The following EPHA6 variants were observed in gnomAD, a reference collection of about 807,000 sequenced individuals.
EPHA6 encodes the protein EPH receptor A6.
A neutral mutation model predicts 112.0 loss-of-function variants in EPHA6; 50 were observed. The ratio of observed to expected loss-of-function variants is 0.45; its 90% CI spans 0.36 to 0.56. The LOEUF is 0.56. Ranked by LOEUF, EPHA6 falls within the 20% of genes least tolerant of loss-of-function variation. EPHA6 has a pLI of 0.00. For synonymous variants in EPHA6, 529 were observed against 490.7 expected (o/e 1.08, Z -1.03); for missense variants, 1,280 against 1,417.4 (o/e 0.90, Z 1.56).
rs1230860298 is a variant in EPHA6, at chr3:97,648,445, T to C, written c.2784+10363T>C. On this transcript the variant is annotated intron_variant, in intron 14 of 17. Transcript: ENST00000389672. ...GAGGGGAAGGTATTTAATGTGTATT[T>C]TAAAGTTGGGAGAGATTCTCCTTCA... 2.2e-6 allele frequency: 3 copies of C among 1,344,196 alleles called. No homozygotes were observed. The African/African-American group carries it at 4.5e-5, about 20-fold the overall frequency. The allele number at this position is 1,344,196 out of a possible 1,614,324, so 83.3% of individuals were successfully genotyped here. A position where few individuals can be genotyped will look rare whatever the true frequency, so the allele number is the denominator to read the frequency against.
chr3:97,547,723 C>T (rs553064238), intron 11 of EPHA6, among the ~76,000 whole-genome samples: 4 of 152,192 alleles, frequency 2.6e-5, no homozygotes, highest in Non-Finnish European at 5.9e-5. Flanking sequence ...GTTCGAGCTT[C>T]CCAGCTGCTT....
chr3:97,627,072 G>A (rs1380650806), intron 13 of EPHA6, among the ~76,000 whole-genome samples: 1 of 151,898 alleles, frequency 6.6e-6, no homozygotes, highest in African/African-American at 2.4e-5. Context: ...GCACTGTGAA[G>A]TAGTTATTAC....
rs371941945 is a variant in EPHA6 at position 97,484,066 on chromosome 3, G to A, written c.2200+7G>A. 5.3e-5 allele frequency: 85 copies of A among 1,594,800 alleles called. 1 individual carries two copies. The highest frequency in any genetic ancestry group is 5.8e-5 in the Non-Finnish European group (68 of 1,172,356). ...GAGAGAGTCATTGGGGCAGGTAAATGTCAAATCTACACTTTTGAACAAAAC... is the reference window on the plus strand; with the variant it reads ...GAGAGAGTCATTGGGGCAGGTAAATATCAAATCTACACTTTTGAACAAAAC... On this transcript the variant is annotated splice_region_variant and intron_variant, in intron 10 of 17. Coordinates refer to ENST00000389672, the MANE Select transcript of EPHA6 (RefSeq NM_001080448.3).
intron 13 of EPHA6, among the ~76,000 whole-genome samples, chr3:97,626,527 C>T (rs1047647075): frequency 1.3e-5 from 2 of 151,528 alleles, no homozygotes; most frequent in Non-Finnish European, 3.0e-5. Flanking sequence ...AGGTAACAGA[C>T]CGTGAGTCCA....
chr3:96,824,618 T>G (rs1403596874), intron 1 of EPHA6, among the ~76,000 whole-genome samples: 1 of 152,034 alleles, frequency 6.6e-6, no homozygotes, highest in Non-Finnish European at 1.5e-5. Context: ...CTGCCCCAAC[T>G]TGTGAGAGCT....
chr3:96,886,334 T>C (rs1458777289), intron 2 of EPHA6, among the ~76,000 whole-genome samples: 1 of 152,172 alleles, frequency 6.6e-6, no homozygotes, highest in African/African-American at 2.4e-5. Flanking sequence ...TATGAGTAAT[T>C]GTTTTATAAA....
intron 4 of EPHA6, among the ~76,000 whole-genome samples, chr3:97,236,072 G>A (rs1273511756): frequency 6.6e-6 from 1 of 151,512 alleles, no homozygotes; most frequent in East Asian, 1.9e-4. Flanking sequence ...TATATGCTCT[G>A]TACTTTAAAG....
chr3:97,268,298 G>T (rs2079761255), intron 5 of EPHA6, among the ~76,000 whole-genome samples: 1 of 152,142 alleles, frequency 6.6e-6, no homozygotes, highest in Non-Finnish European at 1.5e-5. Flanking sequence ...CTAACTGCAA[G>T]GCAGGCTGGA....
At chr3:96,978,030 C>A (rs1253253141) in intron 2 of EPHA6, among the ~76,000 whole-genome samples, 1 of 151,982 alleles carries the variant, frequency 6.6e-6, no homozygotes, top group East Asian at 1.9e-4. Context: ...CATGGTGGTG[C>A]ATGCCTGTAG....
rs2047515074 is a variant in EPHA6, at chr3:97,104,768, G to A, written c.1114+116775G>A. ...TAGAATCCAGCTGTGAATCTGTTTG[G>A]TCTTGGGCTTTTTTTGGTTGGTAGC... On this transcript the variant is annotated intron_variant, in intron 3 of 17. Coordinates refer to ENST00000389672, the MANE Select transcript of EPHA6 (RefSeq NM_001080448.3). Among the ~76,000 whole-genome samples the A allele has an allele frequency of 2.0e-5, 3 of 152,136 alleles. No homozygotes were observed. In the South Asian group the frequency reaches 6.2e-4, roughly 32 times the overall value.
At chr3:97,739,272 C>T (rs2035402572) in intron 16 of EPHA6, among the ~76,000 whole-genome samples, 1 of 152,000 alleles carries the variant, frequency 6.6e-6, no homozygotes, top group Admixed American at 6.6e-5. Context: ...CTGCACTTTC[C>T]TTTTGTGTAG....
At chr3:97,459,577 G>T (rs918269492) in intron 7 of EPHA6, among the ~76,000 whole-genome samples, 1 of 152,146 alleles carries the variant, frequency 6.6e-6, no homozygotes. Context: ...TTTTCTTCCA[G>T]CTGTATGTAG....
chr3:97,598,919 C>T (rs1168755574), intron 12 of EPHA6, among the ~76,000 whole-genome samples: 4 of 150,006 alleles, frequency 2.7e-5, no homozygotes, highest in African/African-American at 9.7e-5. Context: ...ACATCCTCTC[C>T]AGCACCTGTT....
In EPHA6 at chr3:97,612,228, GT is replaced by G. The variant is rs533177148; in HGVS notation, c.2574+1375del. The G allele has an allele frequency of 1.7e-3, 362 of 218,594 alleles. 2 individuals are homozygous for G. Among genetic ancestry groups the G allele is most frequent in the African/African-American group, 7.9e-3 (346 of 43,768 alleles). The allele number at this position is 218,594 out of a possible 1,614,324, so 13.5% of individuals were successfully genotyped here. A position where few individuals can be genotyped will look rare whatever the true frequency, so the allele number is the denominator to read the frequency against. ...TGGTACTTGAAATGCTGTGTACTTAGTACTTGAAATGCTGTATACTTAATGT... is the reference window on the plus strand; with the variant it reads ...TGGTACTTGAAATGCTGTGTACTTAGACTTGAAATGCTGTATACTTAATGT... On this transcript the variant is annotated intron_variant, in intron 13 of 17. Transcript: ENST00000389672.
At chr3:97,368,021 GTTCAAGGTGCTGAC>G (rs2084836820) in intron 5 of EPHA6, among the ~76,000 whole-genome samples, 1 of 152,130 alleles carries the variant, frequency 6.6e-6, no homozygotes, top group Non-Finnish European at 1.5e-5. Flanking sequence ...ACTTTCACAA[GTTCAAGGTGCTGAC>G]TTCAAAGCTC....
chr3:97,598,715 G>T (rs940495800), intron 12 of EPHA6, among the ~76,000 whole-genome samples: 2 of 150,946 alleles, frequency 1.3e-5, no homozygotes, highest in Non-Finnish European at 3.0e-5. Flanking sequence ...GAATAATGCC[G>T]CAATAAACAT....
chr3:97,283,444 C>T (rs2080356084), intron 5 of EPHA6, among the ~76,000 whole-genome samples: 2 of 151,356 alleles, frequency 1.3e-5, no homozygotes, highest in Admixed American at 6.6e-5. Flanking sequence ...ATTACATTGG[C>T]AAGGAAAATG....
chr3:97,597,873 T>C (rs1429356011), intron 12 of EPHA6, among the ~76,000 whole-genome samples: 1 of 152,188 alleles, frequency 6.6e-6, no homozygotes, highest in Non-Finnish European at 1.5e-5. Context: ...CTGGTGGATA[T>C]AATATTATCA....
intron 7 of EPHA6, among the ~76,000 whole-genome samples, chr3:97,452,552 G>T (rs1486116540): frequency 1.3e-5 from 2 of 151,610 alleles, no homozygotes; most frequent in African/African-American, 4.8e-5. Context: ...TTATTATTAG[G>T]TACTGTACTT....
Sources: allele counts gnomAD v4.1 joint callset (sites outside exome capture counted in the v4.1 genomes callset), GRCh38; gene constraint gnomAD v4.1.1; transcripts MANE v1.5; gene names NCBI Gene and HGNC (gene_info 2026-07-23, HGNC 2026-07-21).